ADAM18: variants seen among roughly 807,000 people sequenced by gnomAD.
ADAM18 encodes ADAM metallopeptidase domain 18, also known as disintegrin and metalloproteinase domain-containing protein 18.
A neutral mutation model predicts 94.4 loss-of-function variants in ADAM18; 117 were observed. The ratio of observed to expected loss-of-function variants is 1.24; its 90% CI spans 1.07 to 1.45. The LOEUF (loss-of-function observed/expected upper bound fraction) is 1.45, where lower values mean the gene tolerates loss of function less well. ADAM18 is among the 40% of genes most tolerant of loss of function. ADAM18 has a pLI of 0.00. For missense variants in ADAM18, 936 were observed against 880.0 expected, an observed-to-expected ratio of 1.06 and a Z score of -0.81; for synonymous variants, 327 against 291.6, an observed-to-expected ratio of 1.12 and a Z score of -1.24.
At chr8:39,589,241 T>C (rs1818499182) in intron 2 of ADAM18, among the ~76,000 whole-genome samples, 1 of 152,240 alleles carries the variant, frequency 6.6e-6, no homozygotes, top group Admixed American at 6.5e-5. Flanking sequence ...TCCTTAATGT[T>C]ACTGGCTGCT....
intron 6 of ADAM18, chr8:39,610,986 C>A: frequency 3.4e-6 from 4 of 1,181,974 alleles, no homozygotes; most frequent in Non-Finnish European, 4.2e-6. Flanking sequence ...AGAACAGAGT[C>A]ACTGTTATTC....
chr8:39,703,928 T>A (rs949983513), intron 17 of ADAM18, among the ~76,000 whole-genome samples: 10 of 152,078 alleles, frequency 6.6e-5, no homozygotes, highest in Admixed American at 1.3e-4. Context: ...GAGAATATTA[T>A]AAACACCTCT....
chr8:39,620,221 A>G (rs1383780645), intron 6 of ADAM18, among the ~76,000 whole-genome samples: 1 of 152,054 alleles, frequency 6.6e-6, no homozygotes, highest in African/African-American at 2.4e-5. Context: ...CAAAAAGATC[A>G]AAATGTATTA....
At chr8:39,611,179 A>T (rs2129578517) in intron 6 of ADAM18, 1 of 775,508 alleles carries the variant, frequency 1.3e-6, no homozygotes, top group East Asian at 1.3e-4. Context: ...TCAATCCATC[A>T]CCATGTGGCC....
intron 16 of ADAM18, among the ~76,000 whole-genome samples, chr8:39,688,190 C>T (rs913040124): frequency 5.9e-5 from 9 of 152,114 alleles, no homozygotes; most frequent in Admixed American, 2.0e-4. Context: ...ATTTGCATGT[C>T]TCTAATGATT....
chr8:39,647,951 C>A (rs1421968778), intron 11 of ADAM18, among the ~76,000 whole-genome samples: 1 of 152,140 alleles, frequency 6.6e-6, no homozygotes, highest in Non-Finnish European at 1.5e-5. Flanking sequence ...TCTCTTTCTA[C>A]ATAGACAGAG....
intron 12 of ADAM18, among the ~76,000 whole-genome samples, chr8:39,660,336 T>C (rs539790480): frequency 6.6e-6 from 1 of 152,238 alleles, no homozygotes; most frequent in East Asian, 1.9e-4. Context: ...AAGATTAAAT[T>C]ATATGCTACA....
chr8:39,673,714 T>A (rs1469813968), intron 14 of ADAM18, among the ~76,000 whole-genome samples: 1 of 152,236 alleles, frequency 6.6e-6, no homozygotes, highest in Non-Finnish European at 1.5e-5. Flanking sequence ...ATTGTGATGT[T>A]AAGGTGTCGA....
chr8:39,675,648 G>A lies in ADAM18; in HGVS notation c.1526-1783G>A, dbSNP rs184371256. ...TGTCAACTCATCAAAGTCATTCTCC[G>A]TCCAGCTTTGTTCCGTTGCTGGCGA... On this transcript the variant is annotated intron_variant, in intron 14 of 19. Transcript: ENST00000265707. Among the ~76,000 whole-genome samples, 652 of 152,230 alleles carry A rather than the reference G, an allele frequency of 4.3e-3. 4 individuals carry two copies. Among genetic ancestry groups the A allele is most frequent in the Admixed American group, 9.5e-3 (145 of 15,296 alleles).
intron 16 of ADAM18, among the ~76,000 whole-genome samples, chr8:39,681,703 A>T (rs568379983): frequency 3.9e-5 from 6 of 152,302 alleles, no homozygotes; most frequent in African/African-American, 1.4e-4. Context: ...CTTAAGTCCA[A>T]CTCTGCACTT....
In ADAM18 at chr8:39,716,105, G is replaced by T. The variant is rs185308390; in HGVS notation, c.2018-7643G>T. On this transcript the variant is annotated intron_variant, in intron 18 of 19. Transcript: ENST00000265707. The stretch of plus-strand genomic sequence containing the variant: ...CATTTTCTCTCTCTCTTTTTTCTAG[G>T]TAATGTTTTATCAATTTTGTTTGCC... 7.0e-4 allele frequency among the ~76,000 whole-genome samples: 106 copies of T among 151,538 alleles called. 2 individuals carry two copies. The East Asian group carries it at 0.013, about 18-fold the overall frequency.
In ADAM18 at chr8:39,626,562, C is replaced by T. The variant is rs185086560; in HGVS notation, c.523-2812C>T. Among the ~76,000 whole-genome samples, 31 of 151,986 alleles carry T rather than the reference C, an allele frequency of 2.0e-4. No homozygotes were observed. In the South Asian group the frequency reaches 5.0e-3, roughly 25 times the overall value. ...TTGGTGCTATAAACTTTCCTCTCAG[C>T]GCTGCATTTGCTGTATCCCAGAGGT... On this transcript the variant is annotated intron_variant, in intron 6 of 19. Coordinates refer to ENST00000265707, the MANE Select transcript of ADAM18 (RefSeq NM_014237.3).
At chr8:39,628,044 C>G (rs1376119159) in intron 6 of ADAM18, among the ~76,000 whole-genome samples, 1 of 152,024 alleles carries the variant, frequency 6.6e-6, no homozygotes, top group Non-Finnish European at 1.5e-5. Flanking sequence ...TGAATGTCAA[C>G]ACTTCTTGTT....
intron 11 of ADAM18, among the ~76,000 whole-genome samples, chr8:39,647,319 G>A (rs1234931684): frequency 6.6e-6 from 1 of 151,918 alleles, no homozygotes; most frequent in Non-Finnish European, 1.5e-5. Context: ...GTGCACGTAG[G>A]CCAGATTTAT....
Position 39,627,781 on chromosome 8 carries a change from T to A in ADAM18, c.523-1593T>A, listed in dbSNP as rs531707713. Among the ~76,000 whole-genome samples, 4 of 152,252 alleles carry A rather than the reference T, an allele frequency of 2.6e-5. No homozygotes were observed. In the East Asian group the frequency reaches 7.7e-4, roughly 29 times the overall value. ...TGATTGTCACAAAGATACTTTGTATTCTTCATTGTGTTACTGTTTTATAGG... is the reference window on the plus strand; with the variant it reads ...TGATTGTCACAAAGATACTTTGTATACTTCATTGTGTTACTGTTTTATAGG... On this transcript the variant is annotated intron_variant, in intron 6 of 19. Transcript: ENST00000265707.
At chr8:39,613,027 A>T (rs1326109245) in intron 6 of ADAM18, among the ~76,000 whole-genome samples, 1 of 151,754 alleles carries the variant, frequency 6.6e-6, no homozygotes, top group East Asian at 1.9e-4. Context: ...GCTAGAACAC[A>T]CCTGGATGCG....
chr8:39,622,812 C>T (rs1272108164), intron 6 of ADAM18, among the ~76,000 whole-genome samples: 1 of 152,106 alleles, frequency 6.6e-6, no homozygotes, highest in African/African-American at 2.4e-5. Context: ...ACACAACACA[C>T]ACTGATGTTT....
At chr8:39,667,137 C>T (rs1026089155) in intron 13 of ADAM18, among the ~76,000 whole-genome samples, 3 of 152,082 alleles carry the variant, frequency 2.0e-5, no homozygotes, top group Non-Finnish European at 2.9e-5. Context: ...CGCGGTGGCT[C>T]ATGCCTGTAA....
chr8:39,620,733 G>T (rs1461793370), intron 6 of ADAM18, among the ~76,000 whole-genome samples: 2 of 150,796 alleles, frequency 1.3e-5, no homozygotes, highest in African/African-American at 4.9e-5. Flanking sequence ...ATTAACTGGA[G>T]GCCTTTATCT....
Sources: gnomAD v4.1 joint callset for allele counts (sites outside exome capture counted in the v4.1 genomes callset) on GRCh38, gnomAD v4.1.1 for gene constraint, MANE v1.5 for transcripts, NCBI Gene and HGNC (gene_info 2026-07-23, HGNC 2026-07-21) for gene names.